The following COL25A1 variants were observed in gnomAD, a reference collection of about 807,000 sequenced individuals.
COL25A1 encodes the protein collagen alpha-1(XXV) chain.
Under a neutral mutation model 128.4 loss-of-function variants are expected in COL25A1, and 103 were observed. That is an observed-to-expected ratio of 0.80 (90% confidence interval 0.68 to 0.94). The LOEUF (loss-of-function observed/expected upper bound fraction) is 0.94, where lower values mean the gene tolerates loss of function less well. Among genes scored for constraint, COL25A1 ranks in the 40% least tolerant of loss-of-function variants. The pLI is 0.00. For synonymous variants in COL25A1, 279 were observed against 277.2 expected (o/e 1.01, Z -0.06); for missense variants, 745 against 840.0 (o/e 0.89, Z 1.40).
rs74888001 is a variant in COL25A1, at chr4:109,292,120, C to T, written c.367+8463G>A. ...GAGTCCTAAGGTTCTTTGGAGATGC[C>T]TCAGGGGCCAGCATCGGGGAGAGAG... On this transcript the variant is annotated intron_variant, in intron 3 of 37. Coordinates refer to ENST00000399132, the MANE Select transcript of COL25A1 (RefSeq NM_198721.4). Among the ~76,000 whole-genome samples, 1,256 of 151,822 alleles carry T rather than the reference C, an allele frequency of 8.3e-3. 66 individuals are homozygous for T. The South Asian group carries it at 0.14, about 17-fold the overall frequency.
At chr4:109,226,044 A>G (rs1347036090) in intron 3 of COL25A1, among the ~76,000 whole-genome samples, 1 of 151,962 alleles carries the variant, frequency 6.6e-6, no homozygotes, top group Non-Finnish European at 1.5e-5. Flanking sequence ...AATACTATTC[A>G]GCCATAAAAA....
At chr4:108,869,060 A>G in intron 20 of COL25A1, 28 bp downstream of exon 20, 1 of 1,459,944 alleles carries the variant, frequency 6.8e-7, no homozygotes, top group Non-Finnish European at 9.5e-7. Flanking sequence ...AAAAAGAAAG[A>G]AAGAAGGAAA....
chr4:109,155,761 C>T (rs1164284878), intron 3 of COL25A1, among the ~76,000 whole-genome samples: 1 of 152,204 alleles, frequency 6.6e-6, no homozygotes, highest in Non-Finnish European at 1.5e-5. Flanking sequence ...GTTTTGTTCA[C>T]TCACATAGAA....
At position 108,936,229 on chromosome 4, in the gene COL25A1, G is replaced by A. The variant is rs770519455; in HGVS notation, c.708+1579C>T. 5.3e-5 allele frequency among the ~76,000 whole-genome samples: 8 copies of A among 151,802 alleles called. 1 individual carries two copies. The highest frequency in any genetic ancestry group is 2.1e-4 in the South Asian group (1 of 4,802). ...AAGTTTTACATATGGACTTTTTTCC[G>A]TTCCTTCCACTTTTTTCTTTTTTAA... On this transcript the variant is annotated intron_variant, in intron 11 of 37. Coordinates refer to ENST00000399132, the MANE Select transcript of COL25A1 (RefSeq NM_198721.4).
chr4:108,892,078 T>C (rs1440068064), intron 16 of COL25A1, among the ~76,000 whole-genome samples: 1 of 141,624 alleles, frequency 7.1e-6, no homozygotes, highest in Non-Finnish European at 1.5e-5. Context: ...AAGACAGTCA[T>C]AAGTTAAACA....
At chr4:109,256,867 T>C (rs923262259) in intron 3 of COL25A1, among the ~76,000 whole-genome samples, 3 of 152,208 alleles carry the variant, frequency 2.0e-5, no homozygotes, top group African/African-American at 7.2e-5. Flanking sequence ...TTGAGGTAAC[T>C]GGAATCTAAG....
At chr4:109,183,425 C>T (rs1774852663) in intron 3 of COL25A1, among the ~76,000 whole-genome samples, 1 of 152,250 alleles carries the variant, frequency 6.6e-6, no homozygotes, top group East Asian at 1.9e-4. Flanking sequence ...ACAACAAGCA[C>T]TTTTGTGATT....
chr4:109,060,414 T>C (rs1225104016), intron 3 of COL25A1, among the ~76,000 whole-genome samples: 2 of 152,154 alleles, frequency 1.3e-5, no homozygotes, highest in Non-Finnish European at 2.9e-5. Context: ...ATTGCCCTCT[T>C]GCTATGTCAG....
intron 3 of COL25A1, among the ~76,000 whole-genome samples, chr4:109,129,225 G>A (rs998886185): frequency 6.6e-6 from 1 of 152,022 alleles, no homozygotes; most frequent in Admixed American, 6.6e-5. Flanking sequence ...CACCTTCCAG[G>A]TTCAAGCGAT....
chr4:109,274,815 A>G (rs1405126476), intron 3 of COL25A1, among the ~76,000 whole-genome samples: 3 of 152,206 alleles, frequency 2.0e-5, no homozygotes, highest in South Asian at 4.1e-4. Context: ...TGTCTATAAT[A>G]CAAATTGTCT....
intron 3 of COL25A1, among the ~76,000 whole-genome samples, chr4:109,161,897 T>G (rs1772614536): frequency 6.6e-6 from 1 of 152,146 alleles, no homozygotes; most frequent in Admixed American, 6.5e-5. Flanking sequence ...GAGTAAGGTA[T>G]GAAGAAGTAG....
At chr4:109,028,653 G>T (rs1409993290) in intron 5 of COL25A1, among the ~76,000 whole-genome samples, 1 of 152,088 alleles carries the variant, frequency 6.6e-6, no homozygotes, top group Non-Finnish European at 1.5e-5. Flanking sequence ...TTGAACCCAG[G>T]AGGCGGAGGT....
At chr4:108,852,432 C>A in intron 25 of COL25A1, 152 bp from the exon 26 acceptor site, 1 of 617,614 alleles carries the variant, frequency 1.6e-6, no homozygotes. Context: ...TTACTAGTTA[C>A]ATAATTAGAA....
At chr4:109,065,545 C>CATGTGT (rs1553924965) in intron 3 of COL25A1, among the ~76,000 whole-genome samples, 7 of 141,132 alleles carry the variant, frequency 5.0e-5, no homozygotes, top group African/African-American at 1.9e-4. Context: ...CGCGCGCGCG[C>CATGTGT]GTGTGTGTGT....
At chr4:109,197,340 A>T (rs1776136953) in intron 3 of COL25A1, among the ~76,000 whole-genome samples, 3 of 132,296 alleles carry the variant, frequency 2.3e-5, no homozygotes, top group Non-Finnish European at 4.6e-5. Flanking sequence ...ATATATATAT[A>T]TTATATATAT....
intron 3 of COL25A1, among the ~76,000 whole-genome samples, chr4:109,136,066 G>C (rs1407544457): frequency 2.0e-5 from 3 of 152,138 alleles, no homozygotes; most frequent in Non-Finnish European, 4.4e-5. Context: ...CTGGTGGTAG[G>C]GATACAGCTT....
intron 5 of COL25A1, among the ~76,000 whole-genome samples, chr4:109,011,465 C>A (rs1208518630): frequency 6.6e-6 from 1 of 152,162 alleles, no homozygotes; most frequent in African/African-American, 2.4e-5. Flanking sequence ...CAAGTCACTG[C>A]AGATGTTACT....
At chr4:109,183,335 A>G (rs989990534) in intron 3 of COL25A1, among the ~76,000 whole-genome samples, 1 of 152,164 alleles carries the variant, frequency 6.6e-6, no homozygotes, top group Non-Finnish European at 1.5e-5. Flanking sequence ...GAAAAACTGA[A>G]GACAAAAAGT....
chr4:108,954,937 T>C (rs1005089642), intron 8 of COL25A1, among the ~76,000 whole-genome samples: 1 of 151,484 alleles, frequency 6.6e-6, no homozygotes, highest in Non-Finnish European at 1.5e-5. Flanking sequence ...CAGATGTATG[T>C]TATAAATCTT....
Sources: gnomAD v4.1 joint callset for allele counts (sites outside exome capture counted in the v4.1 genomes callset) on GRCh38, gnomAD v4.1.1 for gene constraint, MANE v1.5 for transcripts, NCBI Gene and HGNC (gene_info 2026-07-23, HGNC 2026-07-21) for gene names.